CSMD1: variants seen among roughly 807,000 people sequenced by gnomAD.
CSMD1 encodes the protein CUB and Sushi multiple domains 1.
In CSMD1, 213 loss-of-function variants were observed where a neutral mutation model predicts 417.5. The ratio of observed to expected loss-of-function variants is 0.51; its 90% CI spans 0.46 to 0.57. The LOEUF (loss-of-function observed/expected upper bound fraction) is 0.57, where lower values mean the gene tolerates loss of function less well. Ranked by LOEUF, CSMD1 falls within the 20% of genes least tolerant of loss-of-function variation. CSMD1 has a pLI of 0.00. For missense variants in CSMD1, 6,923 were observed against 4,529.7 expected (o/e 1.53, Z -15.17); for synonymous variants, 2,862 against 1,736.8 (o/e 1.65, Z -16.11).
chr8:3,734,480 G>A (rs183655161), intron 6 of CSMD1, among the ~76,000 whole-genome samples: 1 of 152,208 alleles, frequency 6.6e-6, no homozygotes, highest in African/African-American at 2.4e-5. Context: ...AGAGGCTGAG[G>A]TGGGTGGATC....
chr8:4,303,624 C>A (rs923181162), intron 3 of CSMD1, among the ~76,000 whole-genome samples: 1 of 151,866 alleles, frequency 6.6e-6, no homozygotes, highest in East Asian at 1.9e-4. Context: ...AGAGTTCTAC[C>A]AGAGGTGACT....
rs371696150 is a variant in CSMD1, at chr8:3,861,434, G to A, written c.819-107392C>T. On this transcript the variant is annotated intron_variant, in intron 5 of 69. Transcript: ENST00000635120. ...TGATTGGTAAATTGCATCTGACTGGGGGTACTATGAATGAACAACCTATAG... is the reference window on the plus strand; with the variant it reads ...TGATTGGTAAATTGCATCTGACTGGAGGTACTATGAATGAACAACCTATAG... Among the ~76,000 whole-genome samples, 5 of 152,288 alleles carry A rather than the reference G, an allele frequency of 3.3e-5. No homozygotes were observed. In the East Asian group the frequency reaches 9.6e-4, roughly 29 times the overall value.
chr8:3,138,460 C>G (rs1231451930), intron 41 of CSMD1, among the ~76,000 whole-genome samples: 1 of 152,170 alleles, frequency 6.6e-6, no homozygotes, highest in Non-Finnish European at 1.5e-5. Flanking sequence ...TTGAAGGCAC[C>G]TCTATCCTGA....
At position 4,373,106 on chromosome 8, in the gene CSMD1, C is replaced by A. The variant is rs145013165; in HGVS notation, c.415+46847G>T. Among the ~76,000 whole-genome samples the A allele has an allele frequency of 2.9e-4, 44 of 152,278 alleles. 1 individual carries two copies. Among genetic ancestry groups the A allele is most frequent in the African/African-American group, 9.1e-4 (38 of 41,554 alleles). On this transcript the variant is annotated intron_variant, in intron 3 of 69. Transcript: ENST00000635120. The stretch of plus-strand genomic sequence containing the variant: ...GTGGTCTGTCTCCCAAAACCCCAAA[C>A]TCCAGTCTCATCATGAGAAAAACAT...
rs147616238 is a variant in CSMD1, at chr8:2,955,805, T to C, written c.9815-37A>G. 941 of 1,594,716 alleles carry C rather than the reference T, an allele frequency of 5.9e-4. 15 individuals carry two copies. The East Asian group carries it at 0.02, about 35-fold the overall frequency. Reference sequence around the variant, plus strand: ...TTAGGAAACATTGAGACTTTGTTTATTGTAAAGTTAGCACATGTGTCTAGA... The same window carrying C: ...TTAGGAAACATTGAGACTTTGTTTACTGTAAAGTTAGCACATGTGTCTAGA... On this transcript the variant is annotated intron_variant, in intron 63 of 69. Coordinates refer to ENST00000635120, the MANE Select transcript of CSMD1 (RefSeq NM_033225.6).
At chr8:4,098,834 C>G (rs1801157251) in intron 3 of CSMD1, among the ~76,000 whole-genome samples, 1 of 152,302 alleles carries the variant, frequency 6.6e-6, no homozygotes, top group South Asian at 2.1e-4. Flanking sequence ...ATCACTAAGG[C>G]TATGCCATAA....
chr8:3,384,681 A>G (rs1376566535), intron 18 of CSMD1, among the ~76,000 whole-genome samples: 1 of 128,572 alleles, frequency 7.8e-6, no homozygotes, highest in Non-Finnish European at 1.6e-5. Context: ...ATTTATATAT[A>G]AATATATATT....
At chr8:3,785,567 G>A (rs544248381) in intron 5 of CSMD1, among the ~76,000 whole-genome samples, 7 of 152,306 alleles carry the variant, frequency 4.6e-5, no homozygotes, top group South Asian at 4.1e-4. Context: ...AGAGGTAAGC[G>A]GTGCTAAGAA....
chr8:4,657,772 A>G (rs560660902), intron 1 of CSMD1, among the ~76,000 whole-genome samples: 3 of 152,014 alleles, frequency 2.0e-5, no homozygotes, highest in Non-Finnish European at 2.9e-5. Flanking sequence ...AATTAGTAGA[A>G]AAAGACTTAA....
At chr8:4,925,156 G>T (rs1806768507) in intron 1 of CSMD1, among the ~76,000 whole-genome samples, 2 of 149,278 alleles carry the variant, frequency 1.3e-5, no homozygotes, top group Admixed American at 1.3e-4. Flanking sequence ...CAGACACAAG[G>T]AAGGACAACA....
At chr8:4,690,895 A>G (rs151164320) in intron 1 of CSMD1, among the ~76,000 whole-genome samples, 4,047 of 152,050 alleles carry the variant, frequency 0.027, 165 homozygotes, top group African/African-American at 0.09. Context: ...TGCCCGGCTA[A>G]TTTTTCTATT....
At chr8:3,775,570 C>T (rs1798849406) in intron 5 of CSMD1, among the ~76,000 whole-genome samples, 1 of 152,172 alleles carries the variant, frequency 6.6e-6, no homozygotes, top group African/African-American at 2.4e-5. Flanking sequence ...TTCAAATGAT[C>T]TCCAGTGTGG....
At chr8:3,593,903 C>T (rs759602720) in intron 8 of CSMD1, among the ~76,000 whole-genome samples, 4 of 152,166 alleles carry the variant, frequency 2.6e-5, no homozygotes, top group Non-Finnish European at 5.9e-5. Context: ...CATTAAAACA[C>T]TGCTTTTTCC....
At chr8:3,037,462 C>A (rs1810768266) in intron 50 of CSMD1, among the ~76,000 whole-genome samples, 1 of 152,108 alleles carries the variant, frequency 6.6e-6, no homozygotes, top group Admixed American at 6.5e-5. Flanking sequence ...CCCGCCTCGG[C>A]CTCCCTATAC....
At chr8:3,157,782 A>ACACGTGTTATATACTAATAG in intron 39 of CSMD1, 115 bp downstream of exon 39, 1 of 801,450 alleles carries the variant, frequency 1.2e-6, no homozygotes, top group Non-Finnish European at 2.1e-6. Flanking sequence ...TTAGTATATA[A>ACACGTGTTATATACTAATAG]CACGTGTTTT....
At chr8:3,360,605 A>G (rs1809096791) in intron 20 of CSMD1, among the ~76,000 whole-genome samples, 1 of 152,268 alleles carries the variant, frequency 6.6e-6, no homozygotes, top group Non-Finnish European at 1.5e-5. Context: ...TTCAGAGAGA[A>G]TCTTGAAAGG....
At chr8:3,658,152 C>A (rs1249765182) in intron 7 of CSMD1, among the ~76,000 whole-genome samples, 1 of 152,098 alleles carries the variant, frequency 6.6e-6, no homozygotes, top group African/African-American at 2.4e-5. Context: ...CAGCTTATCT[C>A]TCTCAGAATG....
At chr8:3,546,663 A>G (rs541516408) in intron 10 of CSMD1, among the ~76,000 whole-genome samples, 1 of 152,340 alleles carries the variant, frequency 6.6e-6, no homozygotes, top group East Asian at 1.9e-4. Flanking sequence ...ATTACTCATC[A>G]ATGGGTAAAG....
chr8:4,709,705 C>G (rs2116857660), intron 1 of CSMD1, among the ~76,000 whole-genome samples: 1 of 152,298 alleles, frequency 6.6e-6, no homozygotes, highest in Non-Finnish European at 1.5e-5. Flanking sequence ...CAGCCTGGGG[C>G]ACCTGTGGGA....
Sources: allele counts gnomAD v4.1 joint callset (sites outside exome capture counted in the v4.1 genomes callset), GRCh38; gene constraint gnomAD v4.1.1; transcripts MANE v1.5; gene names NCBI Gene and HGNC (gene_info 2026-07-23, HGNC 2026-07-21).